PRDM15: variants seen among roughly 807,000 people sequenced by gnomAD.
PRDM15 encodes PR domain zinc finger protein 15.
PRDM15 carries 64 observed loss-of-function variants against 128.6 expected under a neutral mutation model. The ratio of observed to expected loss-of-function variants is 0.50; its 90% confidence interval spans 0.41 to 0.61. PRDM15 has a LOEUF of 0.61. Among genes scored for constraint, PRDM15 ranks in the 20% least tolerant of loss-of-function variants. The pLI, the probability that PRDM15 is intolerant of heterozygous loss-of-function variation, is 0.00. For synonymous variants in PRDM15, 615 were observed against 621.8 expected, an observed-to-expected ratio of 0.99 and a Z score of 0.16; for missense variants, 1,242 against 1,569.1, an observed-to-expected ratio of 0.79 and a Z score of 3.52.
intron 1 of PRDM15, among the ~76,000 whole-genome samples, chr21:41,875,485 G>A (rs2064380532): frequency 6.6e-6 from 1 of 152,250 alleles, no homozygotes; most frequent in African/African-American, 2.4e-5. Flanking sequence ...ACAGCTGCAA[G>A]GGACATCATT....
At chr21:41,868,501 G>T (rs560121882) in intron 1 of PRDM15, among the ~76,000 whole-genome samples, 1 of 151,870 alleles carries the variant, frequency 6.6e-6, no homozygotes, top group Non-Finnish European at 1.5e-5. Flanking sequence ...GCATCTGGTG[G>T]GTCACTATTT....
intron 3 of PRDM15, among the ~76,000 whole-genome samples, chr21:41,858,011 C>T (rs1000501081): frequency 1.4e-4 from 22 of 152,128 alleles, no homozygotes; most frequent in Non-Finnish European, 2.9e-4. Flanking sequence ...GGGGCTGCTA[C>T]GGGACAGAAC....
At chr21:41,861,509 G>A in intron 1 of PRDM15, 1 of 1,448,156 alleles carries the variant, frequency 6.9e-7, no homozygotes, top group South Asian at 1.3e-5. Flanking sequence ...CACAGTATGT[G>A]CCACCAAATG....
At chr21:41,876,719 G>C (rs2064431383) in intron 1 of PRDM15, among the ~76,000 whole-genome samples, 1 of 152,212 alleles carries the variant, frequency 6.6e-6, no homozygotes, top group Non-Finnish European at 1.5e-5. Flanking sequence ...GCCCCTGAAT[G>C]CCTCAGGTCA....
In PRDM15 at chr21:41,846,385, T is replaced by C. The variant is rs141425563; in HGVS notation, c.640+705A>G. On this transcript the variant is annotated intron_variant, in intron 6 of 23. Transcript: ENST00000398548. ...TCAATTCTCTCCCGGCCACCTTAAA[T>C]TGGAATCTCAACCTGAGTAGATAAA... Among the ~76,000 whole-genome samples the C allele has an allele frequency of 5.0e-3, 769 of 152,328 alleles. 3 individuals carry two copies. The highest frequency in any genetic ancestry group is 7.6e-3 in the Non-Finnish European group (518 of 68,026).
Position 41,839,612 on chromosome 21 carries a change from C to G in PRDM15, c.871+11G>C. 6.2e-7 allele frequency: 1 copy of G among 1,612,964 alleles called. No homozygotes were observed. On this transcript the variant is annotated intron_variant, in intron 7 of 23. Coordinates refer to ENST00000398548, the MANE Select transcript of PRDM15 (RefSeq NM_001040424.3). ...CCACGCAGGCACTCATCCCCGGGAC[C>G]CGCTCATCACCTGTGGGTTCCTTGT...
At position 41,879,313 on chromosome 21, in the gene PRDM15, G is replaced by T. The variant is rs755951281; in HGVS notation, c.-53C>A. ...GAGCGGGATCGGATCCGGACTCCGG[G>T]TTGCGATCCGCTCCGGAAACTGCGC... On this transcript the variant is annotated 5_prime_UTR_variant, in exon 1 of 24. Coordinates refer to ENST00000398548, the MANE Select transcript of PRDM15 (RefSeq NM_001040424.3). The surrounding 1 kb of genome is among the most constrained non-coding windows in gnomAD (Gnocchi z 5.1). 1 of 1,094,194 alleles carries T rather than the reference G, an allele frequency of 9.1e-7. No homozygotes were observed. Among genetic ancestry groups the T allele is most frequent in the Non-Finnish European group, 1.1e-6 (1 of 890,006 alleles). 67.8% of individuals were successfully genotyped at this position (1,094,194 alleles called of 1,614,324 possible). A position where few individuals can be genotyped will look rare whatever the true frequency, so the allele number is the denominator to read the frequency against.
chr21:41,871,963 T>C (rs998001793), intron 1 of PRDM15: 1 of 204,440 alleles, frequency 4.9e-6, no homozygotes, highest in African/African-American at 2.3e-5. Context: ...GGCCCCAGGA[T>C]ACAATGGAAC....
chr21:41,815,860 G>A (rs759757486), intron 18 of PRDM15, 24 bp from the exon 19 acceptor site: 3 of 1,610,312 alleles, frequency 1.9e-6, no homozygotes, highest in Non-Finnish European at 1.7e-6. Flanking sequence ...GCGAGTCAGA[G>A]GCGGCCACAC....
At chr21:41,864,051 C>A (rs1159303392) in intron 1 of PRDM15, among the ~76,000 whole-genome samples, 2 of 152,156 alleles carry the variant, frequency 1.3e-5, no homozygotes, top group African/African-American at 4.8e-5. Flanking sequence ...ACCATGTTGG[C>A]CAGGAGGGCC....
At chr21:41,874,523 A>ATTT (rs879505958) in intron 1 of PRDM15, among the ~76,000 whole-genome samples, 3,896 of 78,376 alleles carry the variant, frequency 0.05, 125 homozygotes, top group South Asian at 0.084. Context: ...ATATATATAT[A>ATTT]TATTTTTTTT....
rs768271518 is a variant in PRDM15 at position 41,825,879 on chromosome 21, A to G, written c.1629+81T>C. The G allele has an allele frequency of 7.7e-4, 858 of 1,118,326 alleles. 5 individuals are homozygous for G. Among genetic ancestry groups the G allele is most frequent in the Non-Finnish European group, 2.2e-4 (160 of 742,282 alleles). The allele number at this position is 1,118,326 out of a possible 1,614,324, so 69.3% of individuals were successfully genotyped here. On this transcript the variant is annotated intron_variant, in intron 13 of 23. Coordinates refer to ENST00000398548, the MANE Select transcript of PRDM15 (RefSeq NM_001040424.3). The stretch of plus-strand genomic sequence containing the variant: ...CCCCAAATCTTCCCTGCAATATTCT[A>G]TAAGTACAGCTCATAGAGTCTTAAC...
intron 21 of PRDM15, among the ~76,000 whole-genome samples, chr21:41,806,708 C>A (rs2061684153): frequency 9.0e-6 from 1 of 111,422 alleles, no homozygotes; most frequent in Non-Finnish European, 1.9e-5. Context: ...CCCATCACTA[C>A]CACCAACATC....
chr21:41,826,057 G>C lies in PRDM15; in HGVS notation c.1535-3C>G. 3 of 1,613,152 alleles carry C rather than the reference G, an allele frequency of 1.9e-6. No individual in the cohort carries two copies. Among genetic ancestry groups the C allele is most frequent in the East Asian group, 2.2e-5 (1 of 44,876 alleles). ...CTCTCGCTTCACTCGCCGCACTCCT[G>C]AAATTGCCAACCCCACCAGCAAGAC... On this transcript the variant is annotated splice_polypyrimidine_tract_variant and splice_region_variant and intron_variant, in intron 12 of 23. Transcript: ENST00000398548.
At chr21:41,823,537 A>G in intron 13 of PRDM15, 88 bp from the exon 14 acceptor site, 1 of 1,427,440 alleles carries the variant, frequency 7.0e-7, no homozygotes, top group Non-Finnish European at 9.4e-7. Context: ...GGAAACCACA[A>G]CCCGGGACGG....
chr21:41,878,560 C>T (rs973113305), intron 1 of PRDM15: 23 of 458,440 alleles, frequency 5.0e-5, no homozygotes, highest in African/African-American at 3.6e-4. Context: ...CCTGAGCGGC[C>T]GGGCACGCCC....
chr21:41,802,409 AC>A (rs1340347521), intron 23 of PRDM15, among the ~76,000 whole-genome samples: 1 of 152,174 alleles, frequency 6.6e-6, no homozygotes, highest in South Asian at 2.1e-4. Flanking sequence ...TGGGTAGGCC[AC>A]CCGTGACCTC....
rs1034696498 is a variant in PRDM15 at position 41,799,584 on chromosome 21, A to G, written c.*1656T>C. 21 of 152,212 alleles carry G rather than the reference A, an allele frequency of 1.4e-4. No individual in the cohort carries two copies. Among genetic ancestry groups the G allele is most frequent in the African/African-American group, 4.8e-4 (20 of 41,448 alleles). 9.4% of individuals were successfully genotyped at this position (152,212 alleles called of 1,614,324 possible). A position where few individuals can be genotyped will look rare whatever the true frequency, so the allele number is the denominator to read the frequency against. Reference sequence around the variant, plus strand: ...GGGATGAACATTCCTTAGTTCATGAAGGCATATATTGCACAAAACAAATTC... The same window carrying G: ...GGGATGAACATTCCTTAGTTCATGAGGGCATATATTGCACAAAACAAATTC... On this transcript the variant is annotated 3_prime_UTR_variant, in exon 24 of 24. Transcript: ENST00000398548.
chr21:41,813,041 TG>T (rs1243064439), intron 19 of PRDM15: 3 of 151,964 alleles, frequency 2.0e-5, no homozygotes, highest in South Asian at 2.1e-4. Context: ...AGCTCACGTC[TG>T]GGGGGCTCTG....
Sources: allele counts gnomAD v4.1 joint callset (sites outside exome capture counted in the v4.1 genomes callset), GRCh38; gene constraint gnomAD v4.1.1; non-coding constraint Gnocchi (gnomAD v3.1); transcripts MANE v1.5; gene names NCBI Gene and HGNC (gene_info 2026-07-23, HGNC 2026-07-21).